The following SCUBE2 variants were observed in gnomAD, a reference collection of about 807,000 sequenced individuals.
SCUBE2 encodes signal peptide, CUB domain and EGF like domain containing 2, also known as signal peptide, CUB and EGF-like domain-containing protein 2.
Under a neutral mutation model 125.9 loss-of-function variants are expected in SCUBE2, and 114 were observed. The ratio of observed to expected loss-of-function variants is 0.91; its 90% CI spans 0.78 to 1.06. The LOEUF is 1.06. SCUBE2 is among the 50% of genes least tolerant of loss of function. The pLI, the probability that SCUBE2 is intolerant of heterozygous loss-of-function variation, is 0.00. For synonymous variants in SCUBE2, 459 were observed against 492.9 expected, an observed-to-expected ratio of 0.93 and a Z score of 0.91; for missense variants, 1,255 against 1,301.8, an observed-to-expected ratio of 0.96 and a Z score of 0.55.
At position 9,078,959 on chromosome 11, in the gene SCUBE2, TTTCAAGAAAAAAAGG is replaced by T. The variant is rs1861417734; in HGVS notation, c.382+410_382+424del. Among the ~76,000 whole-genome samples, 3 of 152,272 alleles carry T rather than the reference TTTCAAGAAAAAAAGG, an allele frequency of 2.0e-5. No homozygotes were observed. The South Asian group carries it at 6.2e-4, about 32-fold the overall frequency. On this transcript the variant is annotated intron_variant, in intron 3 of 22. Transcript: ENST00000649792. Reference sequence around the variant, plus strand: ...AGATTTCTGTTTTAGTTTCTCTCTTTTTCAAGAAAAAAAGGGGGGTCTAGCTGGCTGTAACCCCAG... The same window carrying T: ...AGATTTCTGTTTTAGTTTCTCTCTTTGGGGTCTAGCTGGCTGTAACCCCAG...
At chr11:9,090,803 T>G (rs1862623532) in intron 1 of SCUBE2, among the ~76,000 whole-genome samples, 1 of 152,096 alleles carries the variant, frequency 6.6e-6, no homozygotes, top group Non-Finnish European at 1.5e-5. Context: ...AACAAAAGCA[T>G]TTTGAAAGTA....
chr11:9,025,491 T>A (rs1308310032), intron 21 of SCUBE2: 6 of 521,270 alleles, frequency 1.2e-5, no homozygotes, highest in Non-Finnish European at 2.0e-5. Context: ...ATGCTCACTT[T>A]TAATATATTT....
At chr11:9,036,564 C>A (rs1217212423) in intron 16 of SCUBE2, among the ~76,000 whole-genome samples, 1 of 152,188 alleles carries the variant, frequency 6.6e-6, no homozygotes, top group Non-Finnish European at 1.5e-5. Context: ...GCTGTTTTTA[C>A]AATACTCATC....
Position 9,050,550 on chromosome 11 carries a change from G to A in SCUBE2, c.1639+56C>T, listed in dbSNP as rs980512131. ...CCATGGACCTCCAGCTCGGCTGGCTGCAGGCCCCTTCCCACATGCAGGCAA... is the reference window on the plus strand; with the variant it reads ...CCATGGACCTCCAGCTCGGCTGGCTACAGGCCCCTTCCCACATGCAGGCAA... On this transcript the variant is annotated intron_variant, in intron 14 of 22. Transcript: ENST00000649792. 8.6e-6 allele frequency: 12 copies of A among 1,388,290 alleles called. No individual in the cohort carries two copies. In the African/African-American group the frequency reaches 1.1e-4, roughly 13 times the overall value. 86.0% of individuals were successfully genotyped at this position (1,388,290 alleles called of 1,614,324 possible). A position where few individuals can be genotyped will look rare whatever the true frequency, so the allele number is the denominator to read the frequency against.
rs547874987 is a variant in SCUBE2, at chr11:9,035,963, A to G, written c.2003-2167T>C. ...GAGTGCAATGGCGCGATCTCAGCTC[A>G]TCGCAACCTCCGCCTCCTGGGTTCA... On this transcript the variant is annotated intron_variant, in intron 16 of 22. Transcript: ENST00000649792. 6.6e-5 allele frequency among the ~76,000 whole-genome samples: 10 copies of G among 152,330 alleles called. No individual in the cohort carries two copies. In the South Asian group the frequency reaches 2.1e-3, roughly 32 times the overall value.
chr11:9,027,332 C>T (rs1425882028), intron 20 of SCUBE2, 32 bp downstream of exon 20: 5 of 1,609,464 alleles, frequency 3.1e-6, no homozygotes, highest in Admixed American at 1.7e-5. Context: ...TCCCAGCTGG[C>T]CTGAGAAAGG....
At chr11:9,036,241 G>A (rs1856741995) in intron 16 of SCUBE2, among the ~76,000 whole-genome samples, 4 of 152,092 alleles carry the variant, frequency 2.6e-5, no homozygotes, top group Admixed American at 2.6e-4. Context: ...TTGTTTTATT[G>A]GCAAACAATA....
Position 9,057,735 on chromosome 11 carries a change from G to T in SCUBE2, c.1090+1568C>A, listed in dbSNP as rs565714738. ...TTTAGTAGAGACGGGGTTTTGCCGTGTTGGCCAGACTAGTCTCAAACTCCT... is the reference window on the plus strand; with the variant it reads ...TTTAGTAGAGACGGGGTTTTGCCGTTTTGGCCAGACTAGTCTCAAACTCCT... On this transcript the variant is annotated intron_variant, in intron 9 of 22. Transcript: ENST00000649792. 2.5e-4 allele frequency among the ~76,000 whole-genome samples: 38 copies of T among 152,164 alleles called. 1 individual carries two copies. In the South Asian group the frequency reaches 7.9e-3, roughly 32 times the overall value.
chr11:9,060,314 A>G, intron 8 of SCUBE2, 94 bp downstream of exon 8: 1 of 897,432 alleles, frequency 1.1e-6, no homozygotes, highest in Non-Finnish European at 1.8e-6. Context: ...CACGTGGGGT[A>G]TGGAGGGTAT....
At chr11:9,083,555 A>ATC (rs1554900088) in intron 2 of SCUBE2, among the ~76,000 whole-genome samples, 4 of 139,984 alleles carry the variant, frequency 2.9e-5, no homozygotes, top group African/African-American at 1.1e-4. Flanking sequence ...AATAGAATGA[A>ATC]TTTTTTTTTT....
intron 10 of SCUBE2, among the ~76,000 whole-genome samples, chr11:9,054,540 A>G (rs1479488026): frequency 6.6e-6 from 1 of 151,662 alleles, no homozygotes. Flanking sequence ...GACTGAGTCC[A>G]GATCAAAAGG....
chr11:9,036,646 C>T (rs1341639884), intron 16 of SCUBE2, among the ~76,000 whole-genome samples: 1 of 152,242 alleles, frequency 6.6e-6, no homozygotes, highest in Non-Finnish European at 1.5e-5. Flanking sequence ...AGAGTCACAT[C>T]ACCATGGTCT....
At chr11:9,077,456 C>G (rs571979450) in intron 3 of SCUBE2, among the ~76,000 whole-genome samples, 2 of 152,256 alleles carry the variant, frequency 1.3e-5, no homozygotes, top group Admixed American at 6.5e-5. Flanking sequence ...TTGAAGTGCT[C>G]TGTGTTTAGT....
intron 14 of SCUBE2, 119 bp downstream of exon 14, chr11:9,050,487 C>G (rs1007224058): frequency 2.7e-6 from 2 of 746,690 alleles, no homozygotes; most frequent in African/African-American, 3.4e-5. Context: ...TCAGTTCCAT[C>G]TGCAGTGTGC....
chr11:9,080,776 AG>A (rs1861569686), intron 2 of SCUBE2, among the ~76,000 whole-genome samples: 1 of 152,212 alleles, frequency 6.6e-6, no homozygotes. Context: ...ATCAAAATTA[AG>A]AACTTTTGCT....
chr11:9,083,062 T>C (rs547519313), intron 2 of SCUBE2, among the ~76,000 whole-genome samples: 3 of 130,152 alleles, frequency 2.3e-5, no homozygotes, highest in East Asian at 5.6e-4. Flanking sequence ...TATAGAAAGG[T>C]AAAACCAGAA....
Position 9,047,489 on chromosome 11 carries a change from C to T in SCUBE2, c.1869G>A (p.Lys623=). The T allele has an allele frequency of 6.2e-7, 1 of 1,613,650 alleles. No homozygotes were observed. The highest frequency in any genetic ancestry group is 8.5e-7 in the Non-Finnish European group (1 of 1,179,940). ...RLRKAIRTLR[K]AVHREQFHLQ... The stretch of plus-strand genomic sequence containing the variant: ...GGTGAAACTGCTCCCTGTGGACGGC[C>T]TTTCTGAGCGTGCGGATGGCTTTAC... Residue 623 remains lysine, a synonymous_variant, in exon 16 of 23, where the codon AAG becomes AAA. Coordinates refer to ENST00000649792, the MANE Select transcript of SCUBE2 (RefSeq NM_001367977.2).
At chr11:9,059,583 A>G (rs922302788) in intron 8 of SCUBE2, 158 bp from the exon 9 acceptor site, 3 of 952,358 alleles carry the variant, frequency 3.2e-6, no homozygotes, top group Non-Finnish European at 3.0e-6. Context: ...AACCTTATAC[A>G]TGTTTTCTTA....
chr11:9,071,767 C>T (rs549859964), intron 4 of SCUBE2, among the ~76,000 whole-genome samples: 1 of 152,272 alleles, frequency 6.6e-6, no homozygotes, highest in Admixed American at 6.5e-5. Context: ...GGTAACAGGT[C>T]CTGCTGAAAG....
Sources: allele counts gnomAD v4.1 joint callset (sites outside exome capture counted in the v4.1 genomes callset), GRCh38; gene constraint gnomAD v4.1.1; transcripts MANE v1.5; gene names NCBI Gene and HGNC (gene_info 2026-07-23, HGNC 2026-07-21).